CCAR1: variants seen among roughly 807,000 people sequenced by gnomAD.
CCAR1 encodes the protein cell division cycle and apoptosis regulator 1.
In CCAR1, 78 loss-of-function variants were observed where a neutral mutation model predicts 163.8. The ratio of observed to expected loss-of-function variants is 0.48; its 90% CI spans 0.40 to 0.57. The LOEUF (loss-of-function observed/expected upper bound fraction) is 0.57. CCAR1 is among the 20% of genes least tolerant of loss of function. The probability of loss-of-function intolerance (pLI) is 0.00; values close to 1 mark genes in which losing one functional copy is unlikely to be tolerated. For missense variants in CCAR1, 1,019 were observed against 1,365.2 expected, an observed-to-expected ratio of 0.75 and a Z score of 4.00; for synonymous variants, 443 against 460.7, an observed-to-expected ratio of 0.96 and a Z score of 0.49.
chr10:68,731,488 C>G (rs2056036888), intron 2 of CCAR1, among the ~76,000 whole-genome samples: 1 of 151,914 alleles, frequency 6.6e-6, no homozygotes, highest in Admixed American at 6.6e-5. Flanking sequence ...TGAATAAGTA[C>G]CTGGTAGTGT....
intron 19 of CCAR1, chr10:68,775,022 T>C: frequency 2.8e-6 from 1 of 353,198 alleles, no homozygotes; most frequent in Non-Finnish European, 5.4e-6. Context: ...CTCTCTACCA[T>C]ATCAGTTTTT....
Position 68,756,667 on chromosome 10 carries a change from A to T in CCAR1, c.1836+184A>T. 1 of 688,584 alleles carries T rather than the reference A, an allele frequency of 1.5e-6. No individual in the cohort carries two copies. The highest frequency in any genetic ancestry group is 2.6e-6 in the Non-Finnish European group (1 of 379,278). The allele number at this position is 688,584 out of a possible 1,614,324, so 42.7% of individuals were successfully genotyped here. The stretch of plus-strand genomic sequence containing the variant: ...TTTCTCTTAAAATTTCTGTCTTATT[A>T]TCCTAACTTTAAGAGTGCTGAGACC... On this transcript the variant is annotated intron_variant, in intron 14 of 24. Coordinates refer to ENST00000265872, the MANE Select transcript of CCAR1 (RefSeq NM_018237.4). The surrounding 1 kb of genome is among the most constrained non-coding windows in gnomAD (Gnocchi z 5.1).
At chr10:68,739,352 T>C (rs2056153574) in intron 4 of CCAR1, among the ~76,000 whole-genome samples, 1 of 152,144 alleles carries the variant, frequency 6.6e-6, no homozygotes, top group Non-Finnish European at 1.5e-5. Flanking sequence ...GGTTTCACCA[T>C]GTTGGCCAAG....
chr10:68,755,630 G>C, intron 13 of CCAR1, 94 bp downstream of exon 13: 1 of 1,074,976 alleles, frequency 9.3e-7, no homozygotes, highest in Non-Finnish European at 1.3e-6. Context: ...GCTTATTTTA[G>C]CAACCCTGGT....
At chr10:68,791,041 G>A (rs1390474571) in intron 24 of CCAR1, among the ~76,000 whole-genome samples, 166 bp from the exon 25 acceptor site, 1 of 151,994 alleles carries the variant, frequency 6.6e-6, no homozygotes, top group Non-Finnish European at 1.5e-5. Flanking sequence ...GGGCAGAATT[G>A]AGGTAAATGC....
rs1589184123 is a variant in CCAR1 at position 68,771,391 on chromosome 10, A to G, written c.2484A>G (p.Lys828=). 1.3e-6 allele frequency: 2 copies of G among 1,593,296 alleles called. No homozygotes were observed. Among genetic ancestry groups the G allele is most frequent in the Non-Finnish European group, 1.7e-6 (2 of 1,170,060 alleles). ...ATGAAACTGATGAACCAAAACCCAA[A>G]CGGAGAAAATCAGGCGATGATAAAG... ...RDDETDEPKP[K]RRKSGDDKDK... The change falls in exon 18 of 25, where the codon AAA becomes AAG. Residue 828 remains lysine (K), a synonymous_variant. Coordinates refer to ENST00000265872, the MANE Select transcript of CCAR1 (RefSeq NM_018237.4).
intron 16 of CCAR1, among the ~76,000 whole-genome samples, chr10:68,765,484 G>A (rs975955740): frequency 6.6e-6 from 1 of 152,080 alleles, no homozygotes; most frequent in Non-Finnish European, 1.5e-5. Flanking sequence ...TTGTCACTTA[G>A]TTTTGTTATG....
Position 68,740,679 on chromosome 10 carries a change from T to G in CCAR1, c.324+18T>G, listed in dbSNP as rs778931004. The G allele has an allele frequency of 6.3e-6, 10 of 1,598,928 alleles. No homozygotes were observed. The highest frequency in any genetic ancestry group is 8.5e-6 in the Non-Finnish European group (10 of 1,170,656). On this transcript the variant is annotated intron_variant, in intron 5 of 24. Coordinates refer to ENST00000265872, the MANE Select transcript of CCAR1 (RefSeq NM_018237.4). ...TAACACAGGTTAGTTGGTATTACTTTATTTGTTTTGGATGTCTGAATGAAC... is the reference window on the plus strand; with the variant it reads ...TAACACAGGTTAGTTGGTATTACTTGATTTGTTTTGGATGTCTGAATGAAC...
intron 13 of CCAR1, 65 bp downstream of exon 13, chr10:68,755,601 G>T: frequency 1.4e-6 from 2 of 1,384,130 alleles, no homozygotes; most frequent in Non-Finnish European, 2.0e-6. Flanking sequence ...TGTTCTTATC[G>T]ATCAGCCTTT....
At chr10:68,785,460 G>A (rs960636796) in intron 19 of CCAR1, among the ~76,000 whole-genome samples, 6 of 151,776 alleles carry the variant, frequency 4.0e-5, no homozygotes, top group Admixed American at 6.6e-5. Context: ...GAGCTCAAGC[G>A]ATCCACCTGC....
intron 15 of CCAR1, among the ~76,000 whole-genome samples, chr10:68,758,147 T>C (rs1272306760): frequency 1.3e-5 from 2 of 152,006 alleles, no homozygotes; most frequent in Non-Finnish European, 2.9e-5. Flanking sequence ...TTTGGCCTCC[T>C]GGGTTCAAAT....
rs1454660573 is a variant in CCAR1 at position 68,747,486 on chromosome 10, A to G, written c.746A>G (p.Gln249Arg). The G allele has an allele frequency of 6.2e-7, 1 of 1,614,082 alleles. No homozygotes were observed. Among genetic ancestry groups the G allele is most frequent in the Non-Finnish European group, 8.5e-7 (1 of 1,179,932 alleles). Reference sequence around the variant, plus strand: ...CAGCCCCAGCCCCAGTCACTGCTGCAGGCACAGATTTCAGCAGCTTCTATT... The same window carrying G: ...CAGCCCCAGCCCCAGTCACTGCTGCGGGCACAGATTTCAGCAGCTTCTATT... The part of the protein sequence containing the change: ...QTQPQPQSLL[Q>R]AQISAASITP... Residue 249 changes from glutamine to arginine, a missense_variant, in exon 8 of 25, where the codon CAG becomes CGG. Gln to Arg is a conservative substitution (Grantham distance 43). Coordinates refer to ENST00000265872, the MANE Select transcript of CCAR1 (RefSeq NM_018237.4).
intron 2 of CCAR1, among the ~76,000 whole-genome samples, chr10:68,734,820 AT>A (rs965346304): frequency 2.0e-5 from 3 of 152,172 alleles, no homozygotes; most frequent in South Asian, 2.1e-4. Context: ...CTAGACCATA[AT>A]TTTTACCTAA....
Position 68,757,522 on chromosome 10 carries a change from C to G in CCAR1, c.1920+145C>G. On this transcript the variant is annotated intron_variant, in intron 15 of 24. Transcript: ENST00000265872. ...CTCTGCCTCCTGGGTTCAGTAGATT[C>G]TCTTGCCTCAGCCTCCTGAGTAGCT... 6.3e-6 allele frequency: 3 copies of G among 474,580 alleles called. No individual in the cohort carries two copies. The East Asian group carries it at 1.2e-4, about 19-fold the overall frequency. The allele number at this position is 474,580 out of a possible 1,614,324, so 29.4% of individuals were successfully genotyped here.
At chr10:68,736,740 AT>A in intron 2 of CCAR1, 135 bp from the exon 3 acceptor site, 1 of 649,230 alleles carries the variant, frequency 1.5e-6, no homozygotes, top group Admixed American at 3.1e-5. Context: ...ACTTAGGTTG[AT>A]TCCATATCTT....
intron 17 of CCAR1, among the ~76,000 whole-genome samples, chr10:68,769,518 G>A (rs1029044186): frequency 1.3e-5 from 2 of 152,160 alleles, no homozygotes; most frequent in Admixed American, 1.3e-4. Flanking sequence ...TACTCGGGAG[G>A]CTGAGGCAGG....
intron 15 of CCAR1, among the ~76,000 whole-genome samples, chr10:68,758,503 AGT>A (rs71028777): frequency 0.082 from 10,139 of 124,394 alleles, 443 homozygotes; most frequent in South Asian, 0.12. Flanking sequence ...CATCCTGGGC[AGT>A]GTGTGTGTGT....
intron 19 of CCAR1, among the ~76,000 whole-genome samples, chr10:68,783,170 ATATT>A (rs901517684): frequency 7.3e-5 from 11 of 151,370 alleles, no homozygotes; most frequent in African/African-American, 1.2e-4. Flanking sequence ...GCCCAGCTAA[ATATT>A]TATTTATTTA....
chr10:68,772,072 C>T (rs1339871392), intron 18 of CCAR1, among the ~76,000 whole-genome samples: 3 of 151,910 alleles, frequency 2.0e-5, no homozygotes, highest in East Asian at 1.9e-4. Context: ...TTTTTTGAGG[C>T]AGGTTTTCAC....
Sources: allele counts gnomAD v4.1 joint callset (sites outside exome capture counted in the v4.1 genomes callset), GRCh38; gene constraint gnomAD v4.1.1; non-coding constraint Gnocchi (gnomAD v3.1); transcripts MANE v1.5; gene names NCBI Gene and HGNC (gene_info 2026-07-23, HGNC 2026-07-21).